The following PLXNA2 variants were observed in gnomAD, a reference collection of about 807,000 sequenced individuals.
The protein encoded by PLXNA2 is plexin A2.
PLXNA2 carries 91 observed loss-of-function variants against 193.5 expected under a neutral mutation model. The observed-to-expected ratio is 0.47, with a 90% CI of 0.40 to 0.56. PLXNA2 has a LOEUF of 0.56. Ranked by LOEUF, PLXNA2 falls within the 20% of genes least tolerant of loss-of-function variation. The pLI is 0.00. For synonymous variants in PLXNA2, 997 were observed against 1,027.3 expected (o/e 0.97, Z 0.56); for missense variants, 1,995 against 2,503.2 (o/e 0.80, Z 4.33).
chr1:208,153,476 G>A (rs1042736062), intron 3 of PLXNA2, among the ~76,000 whole-genome samples: 10 of 152,122 alleles, frequency 6.6e-5, no homozygotes, highest in Admixed American at 3.3e-4. Flanking sequence ...CCAACCACCC[G>A]GAATCTTCTG....
At chr1:208,195,789 T>G (rs1044471207) in intron 3 of PLXNA2, among the ~76,000 whole-genome samples, 1 of 152,044 alleles carries the variant, frequency 6.6e-6, no homozygotes, top group East Asian at 1.9e-4. Context: ...GAGACAGATT[T>G]TTTATTTCTT....
rs919948107 is a variant in PLXNA2 at position 208,022,521 on chromosome 1, G to A, written c.*4722C>T. On this transcript the variant is annotated 3_prime_UTR_variant, in exon 32 of 32. Coordinates refer to ENST00000367033, the MANE Select transcript of PLXNA2 (RefSeq NM_025179.4). ...TATAATACAGATTCCAGTGTGTCAA[G>A]AGGAGTGGGTTTGAGCAGGAAAAGT... is the stretch of plus-strand genomic sequence containing the variant. The A allele has an allele frequency of 1.1e-4, 17 of 152,610 alleles. 1 individual carries two copies. The highest frequency in any genetic ancestry group is 1.5e-4 in the Non-Finnish European group (10 of 68,050). 9.5% of individuals were successfully genotyped at this position (152,610 alleles called of 1,614,324 possible).
At chr1:208,170,951 G>A (rs1454592753) in intron 3 of PLXNA2, among the ~76,000 whole-genome samples, 1 of 152,220 alleles carries the variant, frequency 6.6e-6, no homozygotes, top group Non-Finnish European at 1.5e-5. Context: ...GTGAGCAAAT[G>A]CTGAATATTA....
intron 4 of PLXNA2, among the ~76,000 whole-genome samples, chr1:208,127,084 A>G (rs1319562911): frequency 6.6e-6 from 1 of 152,230 alleles, no homozygotes; most frequent in Admixed American, 6.5e-5. Flanking sequence ...GACTTGCACA[A>G]GAGGCTTTTA....
intron 3 of PLXNA2, among the ~76,000 whole-genome samples, chr1:208,157,220 C>T (rs565097444): frequency 3.0e-4 from 46 of 152,322 alleles, no homozygotes; most frequent in African/African-American, 1.1e-3. Flanking sequence ...CAGGCCAAAT[C>T]TCATGCTGGA....
intron 4 of PLXNA2, among the ~76,000 whole-genome samples, chr1:208,110,183 G>T (rs373677928): frequency 1.3e-5 from 2 of 152,216 alleles, no homozygotes; most frequent in South Asian, 2.1e-4. Context: ...ACCCTCTGGG[G>T]AAAGTCCAGG....
rs36026400 is a variant in PLXNA2, at chr1:208,200,577, C to CTTTT, written c.1371+9699_1371+9702dup. On this transcript the variant is annotated intron_variant, in intron 3 of 31. Transcript: ENST00000367033. ...AGAGCAGTGAAATATCCCAATCCTT[C>CTTTT]TTTTTTTTTTTTTTTTTTTTTTTCT... 3.3e-3 allele frequency among the ~76,000 whole-genome samples: 381 copies of CTTTT among 113,972 alleles called. 3 individuals are homozygous for CTTTT. Among genetic ancestry groups the CTTTT allele is most frequent in the Non-Finnish European group, 4.4e-3 (261 of 59,388 alleles). The allele number at this position is 113,972 out of a possible 152,430, so 74.8% of individuals were successfully genotyped here. A position where few individuals can be genotyped will look rare whatever the true frequency, so the allele number is the denominator to read the frequency against.
intron 4 of PLXNA2, among the ~76,000 whole-genome samples, chr1:208,104,608 T>C (rs1667202357): frequency 6.6e-6 from 1 of 152,104 alleles, no homozygotes; most frequent in Admixed American, 6.5e-5. Flanking sequence ...TCTGAAGGAT[T>C]GTGATGAGCG....
intron 8 of PLXNA2, among the ~76,000 whole-genome samples, chr1:208,094,939 T>C (rs995869849): frequency 1.3e-5 from 2 of 152,226 alleles, no homozygotes; most frequent in African/African-American, 4.8e-5. Context: ...AAACAGACCC[T>C]CTTCCCATCT....
Position 208,217,650 on chromosome 1 carries a change from G to A in PLXNA2, c.273C>T (p.Asn91=), listed in dbSNP as rs1310387292. Residue 91 remains asparagine, a synonymous_variant, in exon 2 of 32, where the codon AAC becomes AAT. Transcript: ENST00000367033. The surrounding 1 kb of genome is among the most constrained non-coding windows in gnomAD (Gnocchi z 4.7). ...VAHKTGPEED[N]KSCYPPLIVQ... ...CGATGAGGGGCGGGTAACAAGACTT[G>A]TTGTCCTCTTCTGGCCCTGTCTTAT... is the stretch of plus-strand genomic sequence containing the variant. 2 of 1,614,214 alleles carry A rather than the reference G, an allele frequency of 1.2e-6. No homozygotes were observed. The highest frequency in any genetic ancestry group is 8.5e-7 in the Non-Finnish European group (1 of 1,180,038).
chr1:208,198,381 G>T (rs1670426244), intron 3 of PLXNA2, among the ~76,000 whole-genome samples: 1 of 152,192 alleles, frequency 6.6e-6, no homozygotes, highest in Non-Finnish European at 1.5e-5. Flanking sequence ...GGGCTCCGAG[G>T]GATGCATGGG....
At chr1:208,136,547 C>T (rs1668306490) in intron 4 of PLXNA2, among the ~76,000 whole-genome samples, 2 of 152,374 alleles carry the variant, frequency 1.3e-5, no homozygotes, top group South Asian at 4.1e-4. Flanking sequence ...TCCCTTCTCT[C>T]CACAGATGCC....
chr1:208,176,269 AT>A (rs1448175559), intron 3 of PLXNA2, among the ~76,000 whole-genome samples: 4 of 152,092 alleles, frequency 2.6e-5, no homozygotes, highest in African/African-American at 9.7e-5. Flanking sequence ...AGACTCATTC[AT>A]TTCATTTCCA....
At chr1:208,231,847 T>C (rs1671701793) in intron 1 of PLXNA2, among the ~76,000 whole-genome samples, 2 of 152,222 alleles carry the variant, frequency 1.3e-5, no homozygotes, top group Admixed American at 1.3e-4. Flanking sequence ...ACTTGGCTTC[T>C]CTGCTGCCTG....
intron 3 of PLXNA2, among the ~76,000 whole-genome samples, chr1:208,178,291 G>C (rs1198886712): frequency 6.6e-6 from 1 of 152,210 alleles, no homozygotes; most frequent in Non-Finnish European, 1.5e-5. Context: ...CCAGGTGCCT[G>C]TTCCCTACAG....
rs556625 is a variant in PLXNA2 at position 208,022,636 on chromosome 1, C to T, written c.*4607G>A. The T allele has an allele frequency of 0.5, 76,017 of 152,398 alleles. 20,090 individuals carry two copies. Among genetic ancestry groups the T allele is most frequent in the Non-Finnish European group, 0.59 (39,944 of 67,960 alleles). The allele number at this position is 152,398 out of a possible 1,614,324, so 9.4% of individuals were successfully genotyped here. A position where few individuals can be genotyped will look rare whatever the true frequency, so the allele number is the denominator to read the frequency against. On this transcript the variant is annotated 3_prime_UTR_variant, in exon 32 of 32. Transcript: ENST00000367033. ...CCTTACACACGCAAGAATATCTGTT[C>T]TGTTTGGGGGGAGTATTTCCATTCT...
At chr1:208,031,206 G>A (rs1306206463) in intron 29 of PLXNA2, 14 of 1,042,858 alleles carry the variant, frequency 1.3e-5, no homozygotes, top group South Asian at 3.4e-5. Flanking sequence ...AATGCCCCAC[G>A]ATGTCTGGCT....
rs75908736 is a variant in PLXNA2, at chr1:208,045,426, G to C, written c.3496-216C>G. Among the ~76,000 whole-genome samples the C allele has an allele frequency of 0.011, 1,614 of 152,204 alleles. 27 individuals carry two copies. The highest frequency in any genetic ancestry group is 0.038 in the East Asian group (196 of 5,182). On this transcript the variant is annotated intron_variant, in intron 18 of 31. Coordinates refer to ENST00000367033, the MANE Select transcript of PLXNA2 (RefSeq NM_025179.4). ...GGAGAGAATGAAAATGAAGAAGAGA[G>C]TGGGAAAAATGCAGAGGAGACAAAA...
chr1:208,142,501 C>T lies in PLXNA2; in HGVS notation c.1372-38G>A, dbSNP rs757443606. ...CAAGGGTGTCCTCAGCATCTGCCCT[C>T]AGTATTCCCCTGTGGGCTACCTGCC... On this transcript the variant is annotated intron_variant, in intron 3 of 31. Coordinates refer to ENST00000367033, the MANE Select transcript of PLXNA2 (RefSeq NM_025179.4). 4 of 1,549,996 alleles carry T rather than the reference C, an allele frequency of 2.6e-6. No individual in the cohort carries two copies. The African/African-American group carries it at 5.5e-5, about 21-fold the overall frequency.
Sources: gnomAD v4.1 joint callset for allele counts (sites outside exome capture counted in the v4.1 genomes callset) on GRCh38, gnomAD v4.1.1 for gene constraint, Gnocchi (gnomAD v3.1) non-coding constraint, MANE v1.5 for transcripts, NCBI Gene and HGNC (gene_info 2026-07-23, HGNC 2026-07-21) for gene names.